The following CRBN variants were observed in gnomAD, a reference collection of about 807,000 sequenced individuals.
CRBN encodes the protein cereblon, also known as protein cereblon.
Under a neutral mutation model 62.2 loss-of-function variants are expected in CRBN, and 53 were observed. That is an observed-to-expected ratio of 0.85 (90% CI 0.68 to 1.07). The LOEUF (loss-of-function observed/expected upper bound fraction) is 1.07. CRBN is among the 50% of genes least tolerant of loss of function. The pLI is 0.00. For missense variants in CRBN, 616 were observed against 531.1 expected, an observed-to-expected ratio of 1.16 and a Z score of -1.57; for synonymous variants, 208 against 176.1, an observed-to-expected ratio of 1.18 and a Z score of -1.43.
rs1407613916 is a variant in CRBN, at chr3:3,174,127, G to A, written c.309C>T (p.His103=). Residue 103 remains histidine, a synonymous_variant, in exon 3 of 11, where the codon CAC becomes CAT. Coordinates refer to ENST00000231948, the MANE Select transcript of CRBN (RefSeq NM_016302.4). ...PGQTLPLQLF[H]PQEVSMVRNL... ...TCCGCACCATACTGACTTCTTGAGGGTGAAAAAGCTGAAGAGGTAATGTCT... is the reference window on the plus strand; with the variant it reads ...TCCGCACCATACTGACTTCTTGAGGATGAAAAAGCTGAAGAGGTAATGTCT... 1.2e-6 allele frequency: 2 copies of A among 1,614,114 alleles called. No individual in the cohort carries two copies. The highest frequency in any genetic ancestry group is 1.7e-6 in the Non-Finnish European group (2 of 1,180,002).
At chr3:3,151,839 A>AC (rs55822907) in intron 10 of CRBN, among the ~76,000 whole-genome samples, 14 of 151,370 alleles carry the variant, frequency 9.2e-5, no homozygotes, top group African/African-American at 3.1e-4. Flanking sequence ...AAACAAACAA[A>AC]AGGCAAACTA....
Position 3,156,282 on chromosome 3 carries a change from C to A in CRBN, c.688-1G>T. 1 of 1,613,710 alleles carries A rather than the reference C, an allele frequency of 6.2e-7. No homozygotes were observed. Among genetic ancestry groups the A allele is most frequent in the Non-Finnish European group, 8.5e-7 (1 of 1,179,776 alleles). ...TTAGATTTGCACAATGAAACTTTCT[C>A]TGAAAACAAAACAAAAAGGCACTTA... On this transcript the variant is annotated splice_acceptor_variant, in intron 5 of 10. Transcript: ENST00000231948. LOFTEE classifies it high-confidence loss of function.
intron 1 of CRBN, among the ~76,000 whole-genome samples, chr3:3,178,806 A>T (rs1054161171): frequency 1.3e-5 from 2 of 152,282 alleles, no homozygotes; most frequent in Middle Eastern, 3.4e-3. Flanking sequence ...CTCAAGTAAT[A>T]CTTTCAAGTT....
chr3:3,177,164 T>G (rs1348627740), intron 1 of CRBN, among the ~76,000 whole-genome samples: 1 of 152,182 alleles, frequency 6.6e-6, no homozygotes, highest in African/African-American at 2.4e-5. Context: ...TGGCCTAGAC[T>G]AACAATAAAG....
intron 7 of CRBN, 73 bp downstream of exon 7, chr3:3,154,674 A>G (rs989171288): frequency 2.5e-6 from 2 of 808,784 alleles, no homozygotes; most frequent in African/African-American, 3.3e-5. Context: ...ATATGATTGG[A>G]TCGCATCCAT....
At chr3:3,162,883 A>G (rs574282459) in intron 5 of CRBN, among the ~76,000 whole-genome samples, 60 of 152,350 alleles carry the variant, frequency 3.9e-4, no homozygotes, top group African/African-American at 1.2e-3. Context: ...CTATGAAGAC[A>G]GGAATGAACT....
chr3:3,159,852 A>C lies in CRBN; in HGVS notation c.688-3571T>G, dbSNP rs73126578. Among the ~76,000 whole-genome samples the C allele has an allele frequency of 2.0e-3, 305 of 152,326 alleles. 2 individuals carry two copies. Among genetic ancestry groups the C allele is most frequent in the African/African-American group, 7.1e-3 (295 of 41,570 alleles). On this transcript the variant is annotated intron_variant, in intron 5 of 10. Transcript: ENST00000231948. ...GAGTCCCATTTAGCTTTCTGGCACA[A>C]TAGGAAAGGCTCCTGTCTTATATCT... is the stretch of plus-strand genomic sequence containing the variant.
At chr3:3,155,811 T>TA (rs953270878) in intron 6 of CRBN, 1 of 79,416 alleles carries the variant, frequency 1.3e-5, no homozygotes, top group Admixed American at 1.6e-4. Flanking sequence ...TTGTGATACC[T>TA]TTTTTTTTCC....
At chr3:3,155,708 C>A in intron 6 of CRBN, 1 of 155,626 alleles carries the variant, frequency 6.4e-6, no homozygotes. Flanking sequence ...AGAGAAAAAC[C>A]AAAACAGTAA....
At position 3,177,316 on chromosome 3, in the gene CRBN, C is replaced by T. The variant is rs531679235; in HGVS notation, c.68-2047G>A. ...TTATTTAAGTCAAACCACCTCTAGC[C>T]AGGCCCCTGACAGAAAATAAAAATG... is the stretch of plus-strand genomic sequence containing the variant. On this transcript the variant is annotated intron_variant, in intron 1 of 10. Coordinates refer to ENST00000231948, the MANE Select transcript of CRBN (RefSeq NM_016302.4). Among the ~76,000 whole-genome samples the T allele has an allele frequency of 2.2e-3, 337 of 152,322 alleles. 3 individuals are homozygous for T. The highest frequency in any genetic ancestry group is 0.012 in the South Asian group (59 of 4,826).
intron 9 of CRBN, chr3:3,153,207 C>T: frequency 2.0e-6 from 1 of 495,334 alleles, no homozygotes; most frequent in Non-Finnish European, 3.7e-6. Flanking sequence ...TTTACTTTAC[C>T]ATGCTCATTA....
intron 10 of CRBN, 33 bp downstream of exon 10, chr3:3,152,422 AG>A (rs987156887): frequency 3.8e-6 from 6 of 1,564,784 alleles, no homozygotes; most frequent in Non-Finnish European, 5.2e-6. Context: ...AGGTAAAAAA[AG>A]AAAAAAAAAA....
rs1706816353 is a variant in CRBN at position 3,154,928 on chromosome 3, T to G, written c.751-97A>C. 4 of 756,160 alleles carry G rather than the reference T, an allele frequency of 5.3e-6. No individual in the cohort carries two copies. In the South Asian group the frequency reaches 5.6e-5, roughly 11 times the overall value. The allele number at this position is 756,160 out of a possible 1,614,324, so 46.8% of individuals were successfully genotyped here. A position where few individuals can be genotyped will look rare whatever the true frequency, so the allele number is the denominator to read the frequency against. Reference sequence around the variant, plus strand: ...CTTAAAACTAACACTGGTAGCAATTTAATCACTCAGTCCCATCTCAGTCCC... The same window carrying G: ...CTTAAAACTAACACTGGTAGCAATTGAATCACTCAGTCCCATCTCAGTCCC... On this transcript the variant is annotated intron_variant, in intron 6 of 10. Transcript: ENST00000231948.
At chr3:3,153,269 G>T in intron 9 of CRBN, 155 bp downstream of exon 9, 1 of 588,728 alleles carries the variant, frequency 1.7e-6, no homozygotes, top group Non-Finnish European at 3.1e-6. Context: ...CAATCTGGAA[G>T]ATGGTCTTAG....
rs916426560 is a variant in CRBN at position 3,150,871 on chromosome 3, G to A, written c.1323C>T (p.Cys441=). 5 of 1,613,302 alleles carry A rather than the reference G, an allele frequency of 3.1e-6. No homozygotes were observed. The highest frequency in any genetic ancestry group is 3.3e-5 in the Admixed American group (2 of 59,916). ...DEISPDKVIL[C]L ...TTATCTCTATCACATCTGTTTACAA[G>A]CAAAGTATTACTTTGTCTGGACTTA... Residue 441 remains cysteine (C), a synonymous_variant, in exon 11 of 11, where the codon TGC becomes TGT. Coordinates refer to ENST00000231948, the MANE Select transcript of CRBN (RefSeq NM_016302.4).
chr3:3,166,155 C>T (rs900479630), intron 5 of CRBN, among the ~76,000 whole-genome samples: 15 of 140,320 alleles, frequency 1.1e-4, no homozygotes, highest in African/African-American at 3.7e-4. Context: ...GTAACTCCCA[C>T]AATTCCCACA....
In CRBN at chr3:3,152,601, T is replaced by C. The variant is rs1008159456; in HGVS notation, c.1017-14A>G. ...CATAAGGATAAACTAAAACAAAGAATCAACATGGAGAACACGTCAAAACGA... is the reference window on the plus strand; with the variant it reads ...CATAAGGATAAACTAAAACAAAGAACCAACATGGAGAACACGTCAAAACGA... On this transcript the variant is annotated splice_polypyrimidine_tract_variant and intron_variant, in intron 9 of 10. Coordinates refer to ENST00000231948, the MANE Select transcript of CRBN (RefSeq NM_016302.4). 1 of 1,613,854 alleles carries C rather than the reference T, an allele frequency of 6.2e-7. No homozygotes were observed. The highest frequency in any genetic ancestry group is 2.2e-5 in the East Asian group (1 of 44,854).
At chr3:3,174,469 T>C (rs577160952) in intron 2 of CRBN, among the ~76,000 whole-genome samples, 27 of 152,020 alleles carry the variant, frequency 1.8e-4, no homozygotes, top group Non-Finnish European at 3.5e-4. Context: ...GGTGGAACCC[T>C]GTTGCTACTA....
intron 1 of CRBN, among the ~76,000 whole-genome samples, chr3:3,178,178 G>A (rs1707908267): frequency 6.6e-6 from 1 of 152,192 alleles, no homozygotes; most frequent in Admixed American, 6.5e-5. Context: ...GGCACAGAGA[G>A]TAGGGCTAAT....
Sources: allele counts gnomAD v4.1 joint callset (sites outside exome capture counted in the v4.1 genomes callset), GRCh38; gene constraint gnomAD v4.1.1; transcripts MANE v1.5; gene names NCBI Gene and HGNC (gene_info 2026-07-23, HGNC 2026-07-21).